Variants in PRKCE observed in about 807,000 individuals in gnomAD.
PRKCE encodes protein kinase C epsilon type.
Under a neutral mutation model 85.4 loss-of-function variants are expected in PRKCE, and 16 were observed. The ratio of observed to expected loss-of-function variants is 0.19; its 90% CI spans 0.13 to 0.28. The LOEUF is 0.28. Ranked by LOEUF, PRKCE falls within the 10% of genes least tolerant of loss-of-function variation. PRKCE has a pLI of 1.00. For missense variants in PRKCE, 573 were observed against 975.2 expected (o/e 0.59, Z 5.49); for synonymous variants, 388 against 371.5 (o/e 1.04, Z -0.51).
At chr2:45,969,686 AC>A (rs1202974074) in intron 2 of PRKCE, among the ~76,000 whole-genome samples, 1 of 152,148 alleles carries the variant, frequency 6.6e-6, no homozygotes, top group African/African-American at 2.4e-5. Context: ...ATTACCTAAT[AC>A]TTTTTAGGCA....
intron 10 of PRKCE, among the ~76,000 whole-genome samples, chr2:46,076,787 T>A (rs181574606): frequency 6.6e-6 from 1 of 152,190 alleles, no homozygotes; most frequent in Admixed American, 6.5e-5. Flanking sequence ...AAGAACCATG[T>A]CTACAGGCAA....
At chr2:45,900,814 C>T (rs1573805713) in intron 2 of PRKCE, among the ~76,000 whole-genome samples, 1 of 152,282 alleles carries the variant, frequency 6.6e-6, no homozygotes, top group East Asian at 1.9e-4. Flanking sequence ...GTAATTGATT[C>T]CTAAATTTAT....
intron 2 of PRKCE, among the ~76,000 whole-genome samples, chr2:45,949,185 G>A (rs1700443241): frequency 1.3e-5 from 2 of 152,200 alleles, no homozygotes; most frequent in Non-Finnish European, 1.5e-5. Context: ...TGACTATTGT[G>A]TGATTGCTTA....
intron 1 of PRKCE, among the ~76,000 whole-genome samples, chr2:45,756,067 A>T (rs1683975794): frequency 6.6e-6 from 1 of 152,202 alleles, no homozygotes; most frequent in Non-Finnish European, 1.5e-5. Context: ...ACACACAATG[A>T]ACTGCCAAGG....
intron 13 of PRKCE, among the ~76,000 whole-genome samples, chr2:46,157,340 A>C (rs763067931): frequency 1.3e-5 from 2 of 152,122 alleles, no homozygotes; most frequent in African/African-American, 4.8e-5. Context: ...CCAGCATACC[A>C]GCTGAGCCCT....
At chr2:46,011,198 CTT>C (rs1322303622) in intron 10 of PRKCE, among the ~76,000 whole-genome samples, 1 of 152,068 alleles carries the variant, frequency 6.6e-6, no homozygotes, top group Non-Finnish European at 1.5e-5. Context: ...GAGTTAAAGT[CTT>C]TTAGGATCAT....
intron 2 of PRKCE, among the ~76,000 whole-genome samples, chr2:45,950,056 G>T (rs1189970693): frequency 6.6e-6 from 1 of 152,138 alleles, no homozygotes; most frequent in Non-Finnish European, 1.5e-5. Flanking sequence ...TTACTGATGA[G>T]AATGGTTATT....
intron 2 of PRKCE, among the ~76,000 whole-genome samples, chr2:45,885,211 A>G (rs890122587): frequency 6.6e-6 from 1 of 152,016 alleles, no homozygotes; most frequent in Non-Finnish European, 1.5e-5. Context: ...ATCTTTCCCC[A>G]GAAAGAATTA....
intron 1 of PRKCE, among the ~76,000 whole-genome samples, chr2:45,799,358 T>C (rs1687682534): frequency 6.6e-6 from 1 of 152,160 alleles, no homozygotes; most frequent in Non-Finnish European, 1.5e-5. Flanking sequence ...ATTGAGTATA[T>C]ATTTAGTAAA....
At chr2:45,656,757 G>C (rs1050518526) in intron 1 of PRKCE, among the ~76,000 whole-genome samples, 2 of 152,256 alleles carry the variant, frequency 1.3e-5, no homozygotes, top group Non-Finnish European at 2.9e-5. Context: ...CTGTCCCAGA[G>C]ATTCTGACCA....
chr2:45,899,106 G>A (rs1352550519), intron 2 of PRKCE, among the ~76,000 whole-genome samples: 1 of 152,244 alleles, frequency 6.6e-6, no homozygotes, highest in East Asian at 1.9e-4. Context: ...AGGACAGGAA[G>A]ACTGCAGCCG....
intron 1 of PRKCE, among the ~76,000 whole-genome samples, chr2:45,792,999 A>T (rs1308775940): frequency 6.6e-6 from 1 of 152,180 alleles, no homozygotes; most frequent in East Asian, 1.9e-4. Context: ...GGGTTTCACC[A>T]TGTTGGCCAG....
intron 2 of PRKCE, among the ~76,000 whole-genome samples, chr2:45,971,834 C>T (rs1360345919): frequency 6.6e-6 from 1 of 152,138 alleles, no homozygotes; most frequent in Non-Finnish European, 1.5e-5. Flanking sequence ...GATGAATACA[C>T]CATATATTTT....
At chr2:45,833,914 C>G (rs113835331) in intron 1 of PRKCE, among the ~76,000 whole-genome samples, 2,403 of 152,310 alleles carry the variant, frequency 0.016, 21 homozygotes, top group Middle Eastern at 0.031. Context: ...TCAAAGTAGA[C>G]AGGCAGACTG....
At chr2:45,775,016 C>T (rs2104946854) in intron 1 of PRKCE, among the ~76,000 whole-genome samples, 1 of 152,270 alleles carries the variant, frequency 6.6e-6, no homozygotes, top group East Asian at 1.9e-4. Context: ...GATTCCTCTG[C>T]CTTCTGGATG....
intron 2 of PRKCE, among the ~76,000 whole-genome samples, chr2:45,927,244 A>G (rs984440933): frequency 1.3e-5 from 2 of 152,178 alleles, no homozygotes; most frequent in African/African-American, 4.8e-5. Flanking sequence ...GTGAAATTGT[A>G]AAGATATAAT....
At chr2:45,783,697 G>T (rs914804396) in intron 1 of PRKCE, among the ~76,000 whole-genome samples, 1 of 152,152 alleles carries the variant, frequency 6.6e-6, no homozygotes, top group African/African-American at 2.4e-5. Flanking sequence ...TGCAGATGAG[G>T]GGATGTTCAG....
At chr2:46,071,047 C>T (rs956106709) in intron 10 of PRKCE, among the ~76,000 whole-genome samples, 2 of 152,212 alleles carry the variant, frequency 1.3e-5, no homozygotes, top group Non-Finnish European at 2.9e-5. Flanking sequence ...GGTCTCATCA[C>T]TGTTCTCTTA....
At chr2:45,787,822 A>G (rs1475452579) in intron 1 of PRKCE, among the ~76,000 whole-genome samples, 1 of 152,150 alleles carries the variant, frequency 6.6e-6, no homozygotes, top group Non-Finnish European at 1.5e-5. Flanking sequence ...ACCTCAAGGG[A>G]TGAAGTTCTC....
Sources: gnomAD v4.1 joint callset for allele counts (sites outside exome capture counted in the v4.1 genomes callset) on GRCh38, gnomAD v4.1.1 for gene constraint, MANE v1.5 for transcripts, NCBI Gene and HGNC (gene_info 2026-07-23, HGNC 2026-07-21) for gene names.